The following MAP4 variants were observed in gnomAD, a reference collection of about 807,000 sequenced individuals.
MAP4 encodes the protein microtubule associated protein 4, also known as microtubule-associated protein 4.
MAP4 carries 76 observed loss-of-function variants against 170.2 expected under a neutral mutation model. That is an observed-to-expected ratio of 0.45 (90% CI 0.37 to 0.54). MAP4 has a LOEUF of 0.54. Ranked by LOEUF, MAP4 falls within the 20% of genes least tolerant of loss-of-function variation. The probability of loss-of-function intolerance (pLI) is 0.00; values close to 1 mark genes in which losing one functional copy is unlikely to be tolerated. For synonymous variants in MAP4, 909 were observed against 994.5 expected (o/e 0.91, Z 1.62); for missense variants, 2,506 against 2,748.0 (o/e 0.91, Z 1.97).
intron 3 of MAP4, among the ~76,000 whole-genome samples, chr3:47,928,783 A>G (rs1430092770): frequency 6.6e-6 from 1 of 152,104 alleles, no homozygotes; most frequent in Non-Finnish European, 1.5e-5. Context: ...ATGAAAGAAC[A>G]AGGATAAAAC....
chr3:47,965,471 C>T (rs2154192374), intron 3 of MAP4, among the ~76,000 whole-genome samples: 2 of 152,240 alleles, frequency 1.3e-5, no homozygotes, highest in Middle Eastern at 6.8e-3. Flanking sequence ...TTTGAGGAGC[C>T]ACCATACTAT....
At chr3:48,047,084 A>G (rs1478222130) in intron 1 of MAP4, among the ~76,000 whole-genome samples, 1 of 142,198 alleles carries the variant, frequency 7.0e-6, no homozygotes, top group Non-Finnish European at 1.5e-5. Flanking sequence ...ACAGAGTGAG[A>G]CTCCGTCTCA....
chr3:48,050,444 AAAT>A (rs1488858241), intron 1 of MAP4, among the ~76,000 whole-genome samples: 1 of 152,048 alleles, frequency 6.6e-6, no homozygotes, highest in Non-Finnish European at 1.5e-5. Context: ...ATAGAAATCC[AAAT>A]AATAAATGTG....
At chr3:47,876,126 CTTTTTCTTTCTTTT>C in intron 11 of MAP4, among the ~76,000 whole-genome samples, 1 of 128,020 alleles carries the variant, frequency 7.8e-6, no homozygotes, top group Non-Finnish European at 1.6e-5. Flanking sequence ...GTTTCTTTTT[CTTTTTCTTTCTTTT>C]TTTTTTTTTT....
intron 1 of MAP4, among the ~76,000 whole-genome samples, chr3:48,088,156 C>G (rs1305772035): frequency 2.6e-5 from 4 of 152,110 alleles, no homozygotes; most frequent in Non-Finnish European, 5.9e-5. Context: ...ACTGCCTCTC[C>G]TAGTCCCTGT....
chr3:48,013,864 A>G lies in MAP4; in HGVS notation c.-20+2470T>C, dbSNP rs185485417. ...AGACTCAACACCACTCTGCCAGAAA[A>G]TAAGCCCTGTATTATCTAACCAGGC... On this transcript the variant is annotated intron_variant, in intron 1 of 20. Transcript: ENST00000683076. Among the ~76,000 whole-genome samples, 661 of 152,260 alleles carry G rather than the reference A, an allele frequency of 4.3e-3. 9 individuals are homozygous for G. The highest frequency in any genetic ancestry group is 4.6e-3 in the Non-Finnish European group (312 of 68,020).
Position 47,921,844 on chromosome 3 carries a change from T to C in MAP4, c.450A>G (p.Ala150=). 8 of 1,603,710 alleles carry C rather than the reference T, an allele frequency of 5.0e-6. No individual in the cohort carries two copies. Among genetic ancestry groups the C allele is most frequent in the African/African-American group, 1.3e-5 (1 of 74,880 alleles). The change falls in exon 5 of 21, where the codon GCA becomes GCG. Residue 150 remains alanine, a synonymous_variant. Transcript: ENST00000683076. ...TCGCACTGGAGGGAAAGACCAAATC[T>C]GCCAGGTCATCATCATGGTACATCT... ...PFKMYHDDDL[A]DLVFPSSATA...
chr3:48,085,227 A>T (rs1000259629), intron 1 of MAP4, among the ~76,000 whole-genome samples: 4 of 151,940 alleles, frequency 2.6e-5, no homozygotes, highest in African/African-American at 9.7e-5. Context: ...GTGATTCCAA[A>T]AACTGTCAAG....
At chr3:47,863,784 G>C (rs566301451) in intron 17 of MAP4, among the ~76,000 whole-genome samples, 1 of 151,972 alleles carries the variant, frequency 6.6e-6, no homozygotes, top group Non-Finnish European at 1.5e-5. Context: ...CCCTCCGCTG[G>C]TGTCCTCCTG....
At chr3:47,891,231 G>A in intron 10 of MAP4, 1 of 1,536,192 alleles carries the variant, frequency 6.5e-7, no homozygotes, top group South Asian at 1.2e-5. Flanking sequence ...AGCTTACTAT[G>A]GAGATATAAT....
chr3:47,870,939 GGCC>G lies in MAP4; in HGVS notation c.6165_6167del (p.Ala2056del), dbSNP rs1380145618. 6.2e-7 allele frequency: 1 copy of G among 1,614,124 alleles called. No homozygotes were observed. The highest frequency in any genetic ancestry group is 1.7e-5 in the Admixed American group (1 of 60,030). On this transcript the variant is annotated inframe_deletion, in exon 15 of 21. Coordinates refer to ENST00000683076, the MANE Select transcript of MAP4 (RefSeq NM_001385682.1). ...GCCGGGGGGTGGTGGAGCTGGGTTTGGCCGAGGTGGGCTTCTTGTCTATGAAAG... is the reference window on the plus strand; with the variant it reads ...GCCGGGGGGTGGTGGAGCTGGGTTTGGAGGTGGGCTTCTTGTCTATGAAAG...
chr3:47,874,056 C>T lies in MAP4; in HGVS notation c.5757+1629G>A, dbSNP rs2094419964. ...AAATAAGCTGCAGATGAAGAGGCCA[C>T]TGGCCAAATCTGGGTCAGAAGCCTG... On this transcript the variant is annotated intron_variant, in intron 12 of 20. Coordinates refer to ENST00000683076, the MANE Select transcript of MAP4 (RefSeq NM_001385682.1). 2.0e-5 allele frequency among the ~76,000 whole-genome samples: 3 copies of T among 152,242 alleles called. No individual in the cohort carries two copies. In the South Asian group the frequency reaches 6.2e-4, roughly 31 times the overall value.
chr3:47,907,504 C>T (rs1021222434), intron 9 of MAP4, among the ~76,000 whole-genome samples: 5 of 151,918 alleles, frequency 3.3e-5, no homozygotes, highest in African/African-American at 7.3e-5. Context: ...AAATTTTGTC[C>T]CAAACCCATT....
At chr3:47,894,211 A>G (rs1167696120) in intron 10 of MAP4, among the ~76,000 whole-genome samples, 3 of 152,238 alleles carry the variant, frequency 2.0e-5, no homozygotes, top group Admixed American at 1.3e-4. Flanking sequence ...TATGGCAAAG[A>G]TCTTGCTAAG....
intron 8 of MAP4, among the ~76,000 whole-genome samples, chr3:47,914,604 A>T (rs2100037627): frequency 1.3e-5 from 2 of 152,058 alleles, no homozygotes; most frequent in Admixed American, 1.3e-4. Flanking sequence ...GAAAAAAAAA[A>T]TTAGGTATCC....
chr3:48,062,335 C>T (rs911283098), intron 1 of MAP4, among the ~76,000 whole-genome samples: 3 of 151,666 alleles, frequency 2.0e-5, no homozygotes, highest in Non-Finnish European at 4.4e-5. Flanking sequence ...TCCCTAATCT[C>T]AAGTACCCAG....
chr3:47,911,814 T>C lies in MAP4; in HGVS notation c.2607A>G (p.Ile869Met). 6.5e-7 allele frequency: 1 copy of C among 1,536,148 alleles called. No individual in the cohort carries two copies. Among genetic ancestry groups the C allele is most frequent in the Non-Finnish European group, 8.7e-7 (1 of 1,146,900 alleles). Residue 869 changes from isoleucine (I) to methionine (M), a missense_variant, in exon 9 of 21, where the codon ATA becomes ATG. By Grantham distance (10) the Ile-to-Met change is conservative. Transcript: ENST00000683076. The surrounding 1 kb of genome is among the most constrained non-coding windows in gnomAD (Gnocchi z 4.0). ...YPSEEAPKTA[I>M]SSQSKLRVEE... The stretch of plus-strand genomic sequence containing the variant: ...CTACTCTCAGCTTAGACTGAGAACT[T>C]ATTGCAGTTTTGGGGGCTTCTTCAG...
chr3:47,873,832 A>G (rs2094336520), intron 12 of MAP4, among the ~76,000 whole-genome samples: 1 of 152,226 alleles, frequency 6.6e-6, no homozygotes, highest in Non-Finnish European at 1.5e-5. Context: ...ATAAGTTAGA[A>G]AAAAGTTATG....
rs201197530 is a variant in MAP4, at chr3:48,084,118, G to GA, written c.-20+4654dup. ...CCAGCTACTCAGGAGGCTGAGGCAG[G>GA]AGAATTGCTTGAACCCGGGAGGTGG... On this transcript the variant is annotated intron_variant, in intron 1 of 18. Transcript: ENST00000360240. Among the ~76,000 whole-genome samples the GA allele has an allele frequency of 7.3e-5, 11 of 151,504 alleles. No homozygotes were observed. In the East Asian group the frequency reaches 2.2e-3, roughly 30 times the overall value.
Sources: gnomAD v4.1 joint callset for allele counts (sites outside exome capture counted in the v4.1 genomes callset) on GRCh38, gnomAD v4.1.1 for gene constraint, Gnocchi (gnomAD v3.1) non-coding constraint, MANE v1.5 for transcripts, NCBI Gene and HGNC (gene_info 2026-07-23, HGNC 2026-07-21) for gene names.